Variants in ARHGEF10 observed in about 807,000 individuals in gnomAD.
ARHGEF10 encodes the protein Rho guanine nucleotide exchange factor (GEF) 10.
A neutral mutation model predicts 147.4 loss-of-function variants in ARHGEF10; 140 were observed. That is an observed-to-expected ratio of 0.95 (90% confidence interval 0.83 to 1.09). The LOEUF (loss-of-function observed/expected upper bound fraction) is 1.09. Ranked by LOEUF, ARHGEF10 falls within the 50% of genes least tolerant of loss-of-function variation. The probability of loss-of-function intolerance (pLI) is 0.00; values close to 1 mark genes in which losing one functional copy is unlikely to be tolerated. For synonymous variants in ARHGEF10, 902 were observed against 695.8 expected, an observed-to-expected ratio of 1.30 and a Z score of -4.67; for missense variants, 2,222 against 1,752.7, an observed-to-expected ratio of 1.27 and a Z score of -4.78.
In ARHGEF10 at chr8:1,925,286, A is replaced by T. The variant is rs1421856379; in HGVS notation, c.2492A>T (p.Glu831Val). ...SLQMAKLALE[E>V]ENHMGWFCVE... ...TTCTCTCTGAATATAATTGCAGAAG[A>T]GGAGAACCACATGGGCTGGTTCTGT... Residue 831 changes from glutamate (E) to valine (V), a missense_variant, in exon 22 of 29, where the codon GAG becomes GTG. Glu to Val is a moderately radical substitution (Grantham distance 121, BLOSUM62 -2). Coordinates refer to ENST00000349830, the MANE Select transcript of ARHGEF10 (RefSeq NM_014629.4). The T allele has an allele frequency of 6.2e-7, 1 of 1,614,202 alleles. No individual in the cohort carries two copies. Among genetic ancestry groups the T allele is most frequent in the East Asian group, 2.2e-5 (1 of 44,880 alleles).
At chr8:1,839,768 G>GTGTGGGT (rs1563157987) in intron 1 of ARHGEF10, among the ~76,000 whole-genome samples, 17 of 126,334 alleles carry the variant, frequency 1.3e-4, no homozygotes, top group African/African-American at 5.5e-4. Flanking sequence ...CTGGTGTGGG[G>GTGTGGGT]ACTGTCTGGT....
intron 7 of ARHGEF10, among the ~76,000 whole-genome samples, chr8:1,872,858 G>A (rs1353007218): frequency 6.6e-6 from 1 of 152,242 alleles, no homozygotes; most frequent in Non-Finnish European, 1.5e-5. Flanking sequence ...CATGGAGATA[G>A]GGTGATTTCA....
At chr8:1,825,601 C>T (rs772335120) in intron 1 of ARHGEF10, among the ~76,000 whole-genome samples, 1 of 151,824 alleles carries the variant, frequency 6.6e-6, no homozygotes, top group Non-Finnish European at 1.5e-5. Context: ...ACGCCCTGCC[C>T]ACCTGTCCCA....
At chr8:1,926,082 A>G (rs1356655638) in intron 22 of ARHGEF10, among the ~76,000 whole-genome samples, 1 of 152,188 alleles carries the variant, frequency 6.6e-6, no homozygotes, top group African/African-American at 2.4e-5. Flanking sequence ...TGATGCCTGC[A>G]GGGCCAGCCC....
intron 21 of ARHGEF10, among the ~76,000 whole-genome samples, chr8:1,924,266 A>T (rs1003594830): frequency 6.6e-6 from 1 of 152,068 alleles, no homozygotes; most frequent in Admixed American, 6.5e-5. Flanking sequence ...CTCACTGAGA[A>T]GCAAAACACA....
chr8:1,906,459 G>C (rs1365359042), intron 17 of ARHGEF10, among the ~76,000 whole-genome samples: 1 of 152,174 alleles, frequency 6.6e-6, no homozygotes, highest in Non-Finnish European at 1.5e-5. Context: ...TTAGGAGCCT[G>C]TCCTCCCAGT....
chr8:1,953,656 G>A (rs1815243103), intron 28 of ARHGEF10, among the ~76,000 whole-genome samples: 1 of 152,022 alleles, frequency 6.6e-6, no homozygotes, highest in African/African-American at 2.4e-5. Flanking sequence ...AACAGGAGGT[G>A]ACCCGCAGTT....
At chr8:1,887,696 A>G (rs1230988278) in intron 11 of ARHGEF10, among the ~76,000 whole-genome samples, 5 of 150,176 alleles carry the variant, frequency 3.3e-5, no homozygotes, top group African/African-American at 1.2e-4. Flanking sequence ...GTGAGGAGAC[A>G]GTGAGTGGGA....
chr8:1,862,723 C>T (rs180932501), intron 4 of ARHGEF10, among the ~76,000 whole-genome samples: 48 of 152,110 alleles, frequency 3.2e-4, no homozygotes, highest in Admixed American at 1.1e-3. Flanking sequence ...CTGCAAAACA[C>T]AAGTAAAAGC....
At chr8:1,828,878 C>G (rs1247608917) in intron 1 of ARHGEF10, among the ~76,000 whole-genome samples, 1 of 147,036 alleles carries the variant, frequency 6.8e-6, no homozygotes, top group Non-Finnish European at 1.5e-5. Context: ...CTGTTTTATT[C>G]TATCGTTTGC....
At chr8:1,869,794 A>G in intron 7 of ARHGEF10, 1 of 199,940 alleles carries the variant, frequency 5.0e-6, no homozygotes, top group South Asian at 8.2e-5. Context: ...GGCTGCCTAC[A>G]CAGGAACCGC....
rs902239587 is a variant in ARHGEF10 at position 1,945,710 on chromosome 8, G to A, written c.3397+55G>A. The A allele has an allele frequency of 6.8e-6, 11 of 1,608,932 alleles. No individual in the cohort carries two copies. The South Asian group carries it at 9.9e-5, about 14-fold the overall frequency. On this transcript the variant is annotated intron_variant, in intron 27 of 28. Coordinates refer to ENST00000349830, the MANE Select transcript of ARHGEF10 (RefSeq NM_014629.4). ...GGACAGCAACCGGGGACGGACGTGG[G>A]GGGTGCGGAGCGCTGTCAGCCCACC...
intron 8 of ARHGEF10, among the ~76,000 whole-genome samples, chr8:1,877,925 T>C (rs898715784): frequency 6.6e-6 from 1 of 152,000 alleles, no homozygotes; most frequent in African/African-American, 2.4e-5. Flanking sequence ...ATCCCTCCGG[T>C]CCCCTAGTAA....
Position 1,923,312 on chromosome 8 carries a change from C to G in ARHGEF10, c.2260-156C>G. 3.4e-6 allele frequency: 4 copies of G among 1,172,460 alleles called. No individual in the cohort carries two copies. The Admixed American group carries it at 6.2e-5, about 18-fold the overall frequency. 72.6% of individuals were successfully genotyped at this position (1,172,460 alleles called of 1,614,324 possible). A position where few individuals can be genotyped will look rare whatever the true frequency, so the allele number is the denominator to read the frequency against. ...TCTATCTTAGAAATGTCTCAGCCCC[C>G]CACAGTGTGATCTGACTCCCAAAGC... On this transcript the variant is annotated intron_variant, in intron 19 of 28. Coordinates refer to ENST00000349830, the MANE Select transcript of ARHGEF10 (RefSeq NM_014629.4).
intron 26 of ARHGEF10, chr8:1,943,546 C>G (rs1003061526): frequency 6.6e-6 from 1 of 152,246 alleles, no homozygotes; most frequent in Non-Finnish European, 1.5e-5. Flanking sequence ...CTGTCTCCCA[C>G]GCCGCACAGC....
chr8:1,925,997 G>T (rs1812661995), intron 22 of ARHGEF10, among the ~76,000 whole-genome samples: 1 of 152,196 alleles, frequency 6.6e-6, no homozygotes, highest in African/African-American at 2.4e-5. Flanking sequence ...GTTGCAGGCG[G>T]TGCACAGGAC....
intron 17 of ARHGEF10, among the ~76,000 whole-genome samples, chr8:1,908,691 C>T (rs1008202317): frequency 2.0e-5 from 3 of 152,148 alleles, no homozygotes; most frequent in Admixed American, 6.5e-5. Flanking sequence ...CAGATGTTGG[C>T]GCAGGTCGTT....
intron 9 of ARHGEF10, among the ~76,000 whole-genome samples, chr8:1,881,744 G>A (rs1323821308): frequency 6.6e-6 from 1 of 152,224 alleles, no homozygotes; most frequent in Non-Finnish European, 1.5e-5. Context: ...CTGTCTGCAC[G>A]CTGGTGCCCA....
At chr8:1,865,097 T>C (rs1806472219) in intron 5 of ARHGEF10, among the ~76,000 whole-genome samples, 1 of 152,262 alleles carries the variant, frequency 6.6e-6, no homozygotes, top group African/African-American at 2.4e-5. Context: ...TTTAAAATAG[T>C]GTTTCTGTTT....
Sources: gnomAD v4.1 joint callset for allele counts (sites outside exome capture counted in the v4.1 genomes callset) on GRCh38, gnomAD v4.1.1 for gene constraint, MANE v1.5 for transcripts, NCBI Gene and HGNC (gene_info 2026-07-23, HGNC 2026-07-21) for gene names.